SGPP1: variants seen among roughly 807,000 people sequenced by gnomAD.
SGPP1 encodes sphingosine-1-phosphate phosphatase 1.
A neutral mutation model predicts 33.0 loss-of-function variants in SGPP1; 21 were observed. The ratio of observed to expected loss-of-function variants is 0.64; its 90% CI spans 0.45 to 0.92. SGPP1 has a LOEUF of 0.92. Among genes scored for constraint, SGPP1 ranks in the 40% least tolerant of loss-of-function variants. The pLI is 0.00. For missense variants in SGPP1, 543 were observed against 589.4 expected, an observed-to-expected ratio of 0.92 and a Z score of 0.81; for synonymous variants, 239 against 241.2, an observed-to-expected ratio of 0.99 and a Z score of 0.08.
chr14:63,693,327 T>TAA (rs1885124003), intron 2 of SGPP1, among the ~76,000 whole-genome samples: 1 of 152,256 alleles, frequency 6.6e-6, no homozygotes, highest in Non-Finnish European at 1.5e-5. Flanking sequence ...CTTCCCTACC[T>TAA]TGTAATTAAA....
intron 1 of SGPP1, among the ~76,000 whole-genome samples, chr14:63,712,029 C>CAA (rs61030675): frequency 3.3e-4 from 23 of 70,730 alleles, no homozygotes; most frequent in South Asian, 9.4e-4. Flanking sequence ...GACTCCATCT[C>CAA]AAAAAAAAAA....
intron 1 of SGPP1, among the ~76,000 whole-genome samples, chr14:63,718,973 T>TATAC (rs1288496855): frequency 1.4e-5 from 1 of 73,154 alleles, no homozygotes; most frequent in Non-Finnish European, 2.5e-5. Flanking sequence ...TATATATGTA[T>TATAC]ATACATATAT....
At chr14:63,695,423 A>G (rs1885169303) in intron 2 of SGPP1, among the ~76,000 whole-genome samples, 1 of 152,214 alleles carries the variant, frequency 6.6e-6, no homozygotes, top group African/African-American at 2.4e-5. Context: ...GACAATGACA[A>G]CAGTTTCTGA....
At chr14:63,715,883 C>G (rs1392818811) in intron 1 of SGPP1, among the ~76,000 whole-genome samples, 2 of 152,098 alleles carry the variant, frequency 1.3e-5, no homozygotes, top group African/African-American at 4.8e-5. Flanking sequence ...CTTGCAATTG[C>G]TTTCCCATCA....
Position 63,727,465 on chromosome 14 carries a change from G to A in SGPP1, c.480C>T (p.Gly160=). The A allele has an allele frequency of 6.2e-7, 1 of 1,614,166 alleles. No individual in the cohort carries two copies. Among genetic ancestry groups the A allele is most frequent in the Non-Finnish European group, 8.5e-7 (1 of 1,180,034 alleles). Residue 160 remains glycine, a synonymous_variant, in exon 1 of 3, where the codon GGC becomes GGT. Transcript: ENST00000247225. ...FWIWNLDPLV[G]RRLVVIWVLV... ...GCACCCAGATGACCACGAGCCTCCG[G>A]CCCACCAGAGGGTCCAGGTTCCAGA...
chr14:63,728,028 C>G lies in SGPP1; in HGVS notation c.-84G>C. On this transcript the variant is annotated 5_prime_UTR_variant, in exon 1 of 3. Coordinates refer to ENST00000247225, the MANE Select transcript of SGPP1 (RefSeq NM_030791.4). Reference sequence around the variant, plus strand: ...CGCTCCTGGCCAGCGGCAGCGGAACCGGCACAGCGCTCTACCCTCCGGAGT... The same window carrying G: ...CGCTCCTGGCCAGCGGCAGCGGAACGGGCACAGCGCTCTACCCTCCGGAGT... 1 of 1,389,432 alleles carries G rather than the reference C, an allele frequency of 7.2e-7. No individual in the cohort carries two copies. The highest frequency in any genetic ancestry group is 9.4e-7 in the Non-Finnish European group (1 of 1,068,928). The allele number at this position is 1,389,432 out of a possible 1,614,324, so 86.1% of individuals were successfully genotyped here.
intron 1 of SGPP1, among the ~76,000 whole-genome samples, chr14:63,724,351 A>G (rs1885832708): frequency 6.6e-6 from 1 of 152,166 alleles, no homozygotes. Context: ...CTCAGTTTCA[A>G]GAGATGTTTC....
In SGPP1 at chr14:63,717,197, T is replaced by C. The variant is rs187625952; in HGVS notation, c.684+10064A>G. ...GAACAGGTAAGTGAACTTAAAGCCA[T>C]AGCAACAGAAACTGTAAAAAAGGAA... On this transcript the variant is annotated intron_variant, in intron 1 of 2. Transcript: ENST00000247225. Among the ~76,000 whole-genome samples, 5 of 138,486 alleles carry C rather than the reference T, an allele frequency of 3.6e-5. No homozygotes were observed. In the Admixed American group the frequency reaches 3.7e-4, roughly 10 times the overall value. The allele number at this position is 138,486 out of a possible 152,430, so 90.9% of individuals were successfully genotyped here.
intron 1 of SGPP1, among the ~76,000 whole-genome samples, chr14:63,705,137 CA>C (rs567624903): frequency 6.8e-6 from 1 of 147,910 alleles, no homozygotes. Context: ...TAAAAAAAAA[CA>C]AAAAAACAAA....
intron 1 of SGPP1, among the ~76,000 whole-genome samples, chr14:63,720,543 G>A (rs1231806785): frequency 6.6e-6 from 1 of 152,116 alleles, no homozygotes; most frequent in East Asian, 1.9e-4. Flanking sequence ...TGGATCACCT[G>A]AGGTCAAGAG....
chr14:63,690,813 C>T (rs1885078508), intron 2 of SGPP1, among the ~76,000 whole-genome samples: 2 of 152,182 alleles, frequency 1.3e-5, no homozygotes, highest in South Asian at 4.1e-4. Context: ...TGGCTTCAAG[C>T]AATTCTCCTG....
At chr14:63,697,712 T>C (rs528477025) in intron 2 of SGPP1, among the ~76,000 whole-genome samples, 1 of 152,290 alleles carries the variant, frequency 6.6e-6, no homozygotes, top group South Asian at 2.1e-4. Context: ...AGAATATCTA[T>C]AGTGAGTCTT....
intron 1 of SGPP1, among the ~76,000 whole-genome samples, chr14:63,718,989 TATATATATATATATATATA>T (rs1566536543): frequency 1.1e-4 from 2 of 17,870 alleles, no homozygotes; most frequent in Non-Finnish European, 1.1e-4. Flanking sequence ...TATATATATA[TATATATATATATATATATA>T]TATATATTTT....
Position 63,685,936 on chromosome 14 carries a change from G to C in SGPP1, c.*169C>G. 1 of 483,586 alleles carries C rather than the reference G, an allele frequency of 2.1e-6. No individual in the cohort carries two copies. Among genetic ancestry groups the C allele is most frequent in the Admixed American group, 3.8e-5 (1 of 26,310 alleles). The allele number at this position is 483,586 out of a possible 1,614,324, so 30.0% of individuals were successfully genotyped here. A position where few individuals can be genotyped will look rare whatever the true frequency, so the allele number is the denominator to read the frequency against. On this transcript the variant is annotated 3_prime_UTR_variant, in exon 3 of 3. Coordinates refer to ENST00000247225, the MANE Select transcript of SGPP1 (RefSeq NM_030791.4). Reference sequence around the variant, plus strand: ...GAAATAGCTCAGCTCACCTAAAACAGTATCTGGATGTGCAATGATAAAATG... The same window carrying C: ...GAAATAGCTCAGCTCACCTAAAACACTATCTGGATGTGCAATGATAAAATG...
rs536632937 is a variant in SGPP1 at position 63,717,183 on chromosome 14, T to G, written c.684+10078A>C. Among the ~76,000 whole-genome samples, 6 of 148,138 alleles carry G rather than the reference T, an allele frequency of 4.1e-5. No homozygotes were observed. The South Asian group carries it at 1.3e-3, about 31-fold the overall frequency. On this transcript the variant is annotated intron_variant, in intron 1 of 2. Coordinates refer to ENST00000247225, the MANE Select transcript of SGPP1 (RefSeq NM_030791.4). ...TAGAGATTGCAAAAGAACAGGTAAG[T>G]GAACTTAAAGCCATAGCAACAGAAA...
intron 1 of SGPP1, among the ~76,000 whole-genome samples, chr14:63,708,502 G>A (rs1282762358): frequency 6.6e-6 from 1 of 151,036 alleles, no homozygotes; most frequent in East Asian, 1.9e-4. Context: ...AACCTCAGAT[G>A]ATCTGCTAGC....
rs377711063 is a variant in SGPP1, at chr14:63,686,589, A to G, written c.842T>C (p.Ile281Thr). Residue 281 changes from isoleucine (I) to threonine (T), a missense_variant, in exon 3 of 3, where the codon ATT becomes ACT. Coordinates refer to ENST00000247225, the MANE Select transcript of SGPP1 (RefSeq NM_030791.4). ...LAVFYPFVDL[I>T]DNFNQTHKYA... ...TTTGTGAGTTTGGTTGAAGTTGTCA[A>G]TCAGGTCCACAAATGGATAGAAGAC... 10 of 1,613,796 alleles carry G rather than the reference A, an allele frequency of 6.2e-6. No homozygotes were observed. Among genetic ancestry groups the G allele is most frequent in the South Asian group, 1.1e-5 (1 of 91,082 alleles).
chr14:63,724,964 C>A (rs1193336765), intron 1 of SGPP1, among the ~76,000 whole-genome samples: 3 of 149,302 alleles, frequency 2.0e-5, no homozygotes, highest in Non-Finnish European at 3.0e-5. Flanking sequence ...CCAGCCTAGG[C>A]AATATAGTGA....
chr14:63,694,008 AG>A (rs1419167205), intron 2 of SGPP1, among the ~76,000 whole-genome samples: 1 of 152,250 alleles, frequency 6.6e-6, no homozygotes, highest in African/African-American at 2.4e-5. Context: ...GGCCAGGCAC[AG>A]TGGCTCATGC....
Sources: allele counts gnomAD v4.1 joint callset (sites outside exome capture counted in the v4.1 genomes callset), GRCh38; gene constraint gnomAD v4.1.1; transcripts MANE v1.5; gene names NCBI Gene and HGNC (gene_info 2026-07-23, HGNC 2026-07-21).